Variants in HIVEP3 observed in about 807,000 individuals in gnomAD.
The protein encoded by HIVEP3 is HIVEP zinc finger 3, also known as transcription factor HIVEP3.
In HIVEP3, 49 loss-of-function variants were observed where a neutral mutation model predicts 152.8. That is an observed-to-expected ratio of 0.32 (90% CI 0.26 to 0.41). HIVEP3 has a LOEUF of 0.41. Among genes scored for constraint, HIVEP3 ranks in the 10% least tolerant of loss-of-function variants. HIVEP3 has a pLI of 1.00. For synonymous variants in HIVEP3, 1,269 were observed against 1,289.0 expected (o/e 0.98, Z 0.33); for missense variants, 2,790 against 3,103.3 (o/e 0.90, Z 2.40).
chr1:41,605,375 G>GCACACACACA (rs57942643), intron 3 of HIVEP3, among the ~76,000 whole-genome samples: 1 of 126,624 alleles, frequency 7.9e-6, no homozygotes, highest in Non-Finnish European at 1.6e-5. Context: ...ACGCACACGC[G>GCACACACACA]CACACACACA....
At chr1:41,953,940 A>G (rs2124493200) in intron 1 of HIVEP3, among the ~76,000 whole-genome samples, 1 of 152,344 alleles carries the variant, frequency 6.6e-6, no homozygotes. Flanking sequence ...AACCCAGAAC[A>G]TATTGGCCCT....
At chr1:41,886,935 C>A (rs1236899548) in intron 1 of HIVEP3, among the ~76,000 whole-genome samples, 2 of 151,996 alleles carry the variant, frequency 1.3e-5, no homozygotes, top group Non-Finnish European at 2.9e-5. Context: ...ACATTTTCCC[C>A]CTTTTTGGTG....
Position 41,869,022 on chromosome 1 carries a change from G to C in HIVEP3, c.-801+49391C>G, listed in dbSNP as rs564972210. 2.6e-5 allele frequency among the ~76,000 whole-genome samples: 4 copies of C among 152,270 alleles called. No homozygotes were observed. In the South Asian group the frequency reaches 8.3e-4, roughly 32 times the overall value. The stretch of plus-strand genomic sequence containing the variant: ...GAAGGCTTGTTCCCAGCAAAGGTGG[G>C]GTTCAAAGCAATGGTTTCTGTGGAT... On this transcript the variant is annotated intron_variant, in intron 1 of 8. Coordinates refer to ENST00000372583, the MANE Select transcript of HIVEP3 (RefSeq NM_024503.5).
Position 41,996,270 on chromosome 1 carries a change from C to T in HIVEP3, n.119+39537G>A, listed in dbSNP as rs1316058996. Among the ~76,000 whole-genome samples the T allele has an allele frequency of 2.6e-5, 4 of 151,974 alleles. No homozygotes were observed. In the East Asian group the frequency reaches 7.7e-4, roughly 29 times the overall value. On this transcript the variant is annotated intron_variant and non_coding_transcript_variant, in intron 1 of 3. Transcript: ENST00000489103. ...TGAGCGTGGTGGTGTATGCTGTAGT[C>T]CTAGCTACTGGAAAGGCTATAAGGT...
At chr1:41,892,521 G>GA (rs368027188) in intron 1 of HIVEP3, among the ~76,000 whole-genome samples, 128 of 152,222 alleles carry the variant, frequency 8.4e-4, no homozygotes, top group African/African-American at 2.9e-3. Flanking sequence ...AGGAAGAGAA[G>GA]AAAAAAAGAC....
rs1251146823 is a variant in HIVEP3 at position 41,844,110 on chromosome 1, G to T, written c.-801+74303C>A. On this transcript the variant is annotated intron_variant, in intron 1 of 8. Coordinates refer to ENST00000372583, the MANE Select transcript of HIVEP3 (RefSeq NM_024503.5). ...GAAAGACTTCAGGCAGCCAAACTGA[G>T]GATAGTAAAGAGGGGAGGGAGCCTC... Among the ~76,000 whole-genome samples, 5 of 152,314 alleles carry T rather than the reference G, an allele frequency of 3.3e-5. No homozygotes were observed. The South Asian group carries it at 6.2e-4, about 19-fold the overall frequency.
chr1:41,636,959 C>CAAAAAAAAAAAAAAAAAAAAAAA (rs56258158), intron 2 of HIVEP3, among the ~76,000 whole-genome samples: 1 of 127,134 alleles, frequency 7.9e-6, no homozygotes. Context: ...AACTCCATCT[C>CAAAAAAAAAAAAAAAAAAAAAAA]AAAAAAAAAA....
chr1:41,612,999 C>T (rs1311567581), intron 3 of HIVEP3, among the ~76,000 whole-genome samples: 2 of 152,228 alleles, frequency 1.3e-5, no homozygotes, highest in Non-Finnish European at 2.9e-5. Flanking sequence ...TGCAGCACCT[C>T]CTTCCAGGAA....
intron 1 of HIVEP3, among the ~76,000 whole-genome samples, chr1:41,867,353 G>A (rs1310083559): frequency 2.0e-5 from 3 of 152,194 alleles, no homozygotes; most frequent in Non-Finnish European, 4.4e-5. Context: ...CAACTCTTTA[G>A]AAATGTAAGA....
chr1:41,941,104 T>C (rs1645043581), intron 1 of HIVEP3, among the ~76,000 whole-genome samples: 1 of 151,944 alleles, frequency 6.6e-6, no homozygotes, highest in African/African-American at 2.4e-5. Flanking sequence ...CATGGTGTGG[T>C]GAGTTAGAGG....
At chr1:41,768,003 A>T (rs1397250161) in intron 1 of HIVEP3, among the ~76,000 whole-genome samples, 8 of 152,238 alleles carry the variant, frequency 5.3e-5, no homozygotes, top group Non-Finnish European at 8.8e-5. Context: ...GGCAGACATC[A>T]TTCATTGTCA....
chr1:41,870,567 T>A (rs1644061652), intron 1 of HIVEP3, among the ~76,000 whole-genome samples: 1 of 152,236 alleles, frequency 6.6e-6, no homozygotes, highest in Non-Finnish European at 1.5e-5. Context: ...ATTTGAAAGC[T>A]CCATTCATAT....
At chr1:41,684,362 C>T (rs1250305293) in intron 2 of HIVEP3, among the ~76,000 whole-genome samples, 1 of 152,214 alleles carries the variant, frequency 6.6e-6, no homozygotes, top group African/African-American at 2.4e-5. Flanking sequence ...CCCTTCCTTC[C>T]CAAGGCTGCA....
intron 8 of HIVEP3, among the ~76,000 whole-genome samples, chr1:41,512,414 G>T (rs1237192802): frequency 6.6e-6 from 1 of 152,172 alleles, no homozygotes; most frequent in Admixed American, 6.5e-5. Flanking sequence ...GCTGCTTGAG[G>T]CCTCCCCAGA....
At chr1:41,932,738 G>GT (rs981383265) in intron 1 of HIVEP3, among the ~76,000 whole-genome samples, 23 of 151,352 alleles carry the variant, frequency 1.5e-4, no homozygotes, top group South Asian at 2.1e-4. Flanking sequence ...TCTTTATCTA[G>GT]TTTTTTTCTT....
intron 1 of HIVEP3, among the ~76,000 whole-genome samples, chr1:41,932,017 G>T (rs931612225): frequency 7.9e-5 from 12 of 151,564 alleles, no homozygotes; most frequent in Non-Finnish European, 1.6e-4. Flanking sequence ...ATCTTGCATT[G>T]TTTTTTATCT....
At chr1:41,974,945 G>T (rs543141584) in intron 1 of HIVEP3, among the ~76,000 whole-genome samples, 1 of 152,098 alleles carries the variant, frequency 6.6e-6, no homozygotes, top group South Asian at 2.1e-4. Flanking sequence ...CTGAGGTATG[G>T]AATTCTCTCC....
At chr1:41,867,678 T>C (rs1644003269) in intron 1 of HIVEP3, among the ~76,000 whole-genome samples, 1 of 152,204 alleles carries the variant, frequency 6.6e-6, no homozygotes, top group African/African-American at 2.4e-5. Context: ...CCTCAAGGTC[T>C]CACCTGCCCA....
In HIVEP3 at chr1:41,986,836, T is replaced by A. The variant is rs559658457; in HGVS notation, n.119+48971A>T. Among the ~76,000 whole-genome samples the A allele has an allele frequency of 4.9e-3, 741 of 152,364 alleles. 3 individuals carry two copies. The highest frequency in any genetic ancestry group is 0.017 in the African/African-American group (718 of 41,582). On this transcript the variant is annotated intron_variant and non_coding_transcript_variant, in intron 1 of 3. Transcript: ENST00000489103. ...TTCCAGCAGAGTATTAAATGAATAC[T>A]ATTTATCAAATATATTTAAACACGA...
Sources: allele counts gnomAD v4.1 joint callset (sites outside exome capture counted in the v4.1 genomes callset), GRCh38; gene constraint gnomAD v4.1.1; transcripts MANE v1.5; gene names NCBI Gene and HGNC (gene_info 2026-07-23, HGNC 2026-07-21).